The following AUTS2 variants were observed in gnomAD, a reference collection of about 807,000 sequenced individuals.
The protein encoded by AUTS2 is autism susceptibility gene 2 protein.
In AUTS2, 17 loss-of-function variants were observed where a neutral mutation model predicts 112.4. That is an observed-to-expected ratio of 0.15 (90% CI 0.10 to 0.23). AUTS2 has a LOEUF of 0.23. Ranked by LOEUF, AUTS2 falls within the 10% of genes least tolerant of loss-of-function variation. AUTS2 has a pLI of 1.00. For synonymous variants in AUTS2, 751 were observed against 702.7 expected (o/e 1.07, Z -1.09); for missense variants, 1,510 against 1,701.6 (o/e 0.89, Z 1.98).
chr7:70,075,208 C>G (rs987449925), intron 2 of AUTS2, among the ~76,000 whole-genome samples: 1 of 152,214 alleles, frequency 6.6e-6, no homozygotes, highest in Non-Finnish European at 1.5e-5. Flanking sequence ...CTCAACATAG[C>G]TCAGAAACTA....
rs530451141 is a variant in AUTS2 at position 70,698,701 on chromosome 7, A to G, written c.742+81A>G. The G allele has an allele frequency of 6.5e-4, 703 of 1,086,200 alleles. 3 individuals carry two copies. Among genetic ancestry groups the G allele is most frequent in the Admixed American group, 1.4e-3 (61 of 43,640 alleles). 67.3% of individuals were successfully genotyped at this position (1,086,200 alleles called of 1,614,324 possible). ...CATTGCCTAGGAAGAAAGAAGAGCT[A>G]GAGTGATCTTTCTCTTATAATTCTG... On this transcript the variant is annotated intron_variant, in intron 6 of 18. Coordinates refer to ENST00000342771, the MANE Select transcript of AUTS2 (RefSeq NM_015570.4).
chr7:69,621,149 G>T (rs181271525), intron 1 of AUTS2, among the ~76,000 whole-genome samples: 5 of 152,290 alleles, frequency 3.3e-5, no homozygotes, highest in Non-Finnish European at 7.3e-5. Context: ...AATTCTCACA[G>T]AGTGGTTCTA....
At chr7:69,612,490 C>T (rs890475268) in intron 1 of AUTS2, among the ~76,000 whole-genome samples, 6 of 151,772 alleles carry the variant, frequency 4.0e-5, no homozygotes, top group African/African-American at 9.7e-5. Flanking sequence ...GACATGTTCT[C>T]GCTCTGTTGC....
At chr7:70,245,286 T>C (rs1018292030) in intron 4 of AUTS2, among the ~76,000 whole-genome samples, 8 of 151,872 alleles carry the variant, frequency 5.3e-5, no homozygotes, top group African/African-American at 1.9e-4. Flanking sequence ...TCTAGCTCTT[T>C]TGAGCAATAT....
chr7:70,060,756 G>T (rs555176097), intron 2 of AUTS2, among the ~76,000 whole-genome samples: 1 of 152,124 alleles, frequency 6.6e-6, no homozygotes, highest in African/African-American at 2.4e-5. Flanking sequence ...TCTTTAAATC[G>T]TGCTAGGCCA....
chr7:70,267,749 GTC>G (rs1787502639), intron 4 of AUTS2, among the ~76,000 whole-genome samples: 1 of 152,132 alleles, frequency 6.6e-6, no homozygotes, highest in Non-Finnish European at 1.5e-5. Context: ...GTAAATGGGA[GTC>G]TTAATTCTTC....
intron 5 of AUTS2, among the ~76,000 whole-genome samples, chr7:70,551,197 C>T (rs1190005926): frequency 6.6e-6 from 1 of 152,054 alleles, no homozygotes; most frequent in African/African-American, 2.4e-5. Context: ...ACAAACCTCC[C>T]ACACAGAAGA....
At chr7:70,083,572 G>A (rs1180045431) in intron 2 of AUTS2, among the ~76,000 whole-genome samples, 1 of 152,008 alleles carries the variant, frequency 6.6e-6, no homozygotes, top group African/African-American at 2.4e-5. Flanking sequence ...GATATAATTG[G>A]CATATAATGA....
chr7:69,695,974 A>G (rs947087058), intron 1 of AUTS2, among the ~76,000 whole-genome samples: 3 of 152,168 alleles, frequency 2.0e-5, no homozygotes, highest in Non-Finnish European at 4.4e-5. Context: ...CCTTTGTGGT[A>G]TTTTTGTTTT....
chr7:70,658,136 C>A (rs1806873245), intron 5 of AUTS2, among the ~76,000 whole-genome samples: 1 of 152,212 alleles, frequency 6.6e-6, no homozygotes, highest in Admixed American at 6.5e-5. Context: ...CTCAACTATC[C>A]TGGACAGTTG....
intron 5 of AUTS2, among the ~76,000 whole-genome samples, chr7:70,643,245 G>A (rs542824202): frequency 6.6e-6 from 1 of 152,282 alleles, no homozygotes; most frequent in African/African-American, 2.4e-5. Context: ...CAACAAGATG[G>A]CCAGGTGTCT....
intron 2 of AUTS2, among the ~76,000 whole-genome samples, chr7:69,955,546 C>T (rs1471835936): frequency 2.0e-5 from 3 of 152,260 alleles, no homozygotes; most frequent in Non-Finnish European, 1.5e-5. Flanking sequence ...CCAGTGGTGG[C>T]AGACTGGACA....
At position 69,865,497 on chromosome 7, in the gene AUTS2, A is replaced by AT. The variant is rs754919654; in HGVS notation, c.310-33789_310-33788insT. On this transcript the variant is annotated intron_variant, in intron 1 of 18. Transcript: ENST00000342771. ...TGTTGACAGGGATGAAATCTCACTT[A>AT]AAACCCTCTAATTTCCTAGTTCAAG... 1.8e-4 allele frequency among the ~76,000 whole-genome samples: 27 copies of AT among 152,168 alleles called. 1 individual carries two copies. The highest frequency in any genetic ancestry group is 5.2e-4 in the Admixed American group (8 of 15,278).
intron 5 of AUTS2, among the ~76,000 whole-genome samples, chr7:70,691,246 C>T (rs769931231): frequency 1.6e-4 from 24 of 152,088 alleles, no homozygotes; most frequent in African/African-American, 2.9e-4. Flanking sequence ...AAAGGGTTGC[C>T]GCTTTCTAAG....
At chr7:69,839,539 T>C (rs2129528427) in intron 1 of AUTS2, among the ~76,000 whole-genome samples, 1 of 152,310 alleles carries the variant, frequency 6.6e-6, no homozygotes, top group Admixed American at 6.5e-5. Flanking sequence ...AATAAAGGGA[T>C]GGAAGCTGGT....
At chr7:70,436,953 C>T (rs1795917929) in intron 5 of AUTS2, 1 of 152,222 alleles carries the variant, frequency 6.6e-6, no homozygotes, top group Non-Finnish European at 1.5e-5. Context: ...GAAAAAAATG[C>T]TCTCTGGAGA....
At chr7:70,258,744 T>G (rs990957450) in intron 4 of AUTS2, among the ~76,000 whole-genome samples, 1 of 152,220 alleles carries the variant, frequency 6.6e-6, no homozygotes, top group African/African-American at 2.4e-5. Context: ...AACAAATATT[T>G]AATGATAGTG....
chr7:70,306,631 G>C (rs1400901749), intron 4 of AUTS2, among the ~76,000 whole-genome samples: 1 of 152,166 alleles, frequency 6.6e-6, no homozygotes, highest in African/African-American at 2.4e-5. Context: ...AAAGAGACTT[G>C]AACAAACACT....
chr7:69,699,597 T>C (rs1797717211), intron 1 of AUTS2, among the ~76,000 whole-genome samples: 1 of 152,128 alleles, frequency 6.6e-6, no homozygotes, highest in African/African-American at 2.4e-5. Context: ...ACTTTGGTTA[T>C]TTACAATCTT....
Sources: gnomAD v4.1 joint callset for allele counts (sites outside exome capture counted in the v4.1 genomes callset) on GRCh38, gnomAD v4.1.1 for gene constraint, MANE v1.5 for transcripts, NCBI Gene and HGNC (gene_info 2026-07-23, HGNC 2026-07-21) for gene names.